NLRP2: variants seen among roughly 807,000 people sequenced by gnomAD.
NLRP2 encodes the protein NACHT, LRR and PYD domains-containing protein 2.
In NLRP2, 107 loss-of-function variants were observed where a neutral mutation model predicts 97.2. The observed-to-expected ratio is 1.10, with a 90% CI of 0.94 to 1.29. The LOEUF (loss-of-function observed/expected upper bound fraction) is 1.29, where lower values mean the gene tolerates loss of function less well. Among genes scored for constraint, NLRP2 ranks in the 50% most tolerant of loss-of-function variants. The probability of loss-of-function intolerance (pLI) is 0.00; values close to 1 mark genes in which losing one functional copy is unlikely to be tolerated. For missense variants in NLRP2, 1,495 were observed against 1,330.3 expected (o/e 1.12, Z -1.93); for synonymous variants, 663 against 551.5 (o/e 1.20, Z -2.83).
chr19:54,995,531 C>T (rs936970995), intron 11 of NLRP2, among the ~76,000 whole-genome samples: 5 of 151,662 alleles, frequency 3.3e-5, no homozygotes, highest in South Asian at 2.1e-4. Flanking sequence ...TTGCAGTGAG[C>T]TGAGATCCTG....
intron 8 of NLRP2, among the ~76,000 whole-genome samples, chr19:54,987,157 C>G (rs931276553): frequency 7.2e-6 from 1 of 138,506 alleles, no homozygotes; most frequent in Non-Finnish European, 1.6e-5. Flanking sequence ...ACCCCGCCGT[C>G]GGCCTCCCAA....
At position 54,977,749 on chromosome 19, in the gene NLRP2, C is replaced by T. The variant is rs1213888286; in HGVS notation, c.326-3C>T. 6.2e-7 allele frequency: 1 copy of T among 1,613,748 alleles called. No homozygotes were observed. Among genetic ancestry groups the T allele is most frequent in the Non-Finnish European group, 8.5e-7 (1 of 1,180,004 alleles). Reference sequence around the variant, plus strand: ...GGCCTGTAATGCCGCCCTTTTTCTCCAGGGATAACACGGAAAGAACGACCA... The same window carrying T: ...GGCCTGTAATGCCGCCCTTTTTCTCTAGGGATAACACGGAAAGAACGACCA... On this transcript the variant is annotated splice_polypyrimidine_tract_variant and splice_region_variant and intron_variant, in intron 3 of 12. Transcript: ENST00000448584.
At chr19:54,980,385 A>G (rs998980097) in intron 4 of NLRP2, among the ~76,000 whole-genome samples, 39 of 151,818 alleles carry the variant, frequency 2.6e-4, no homozygotes, top group African/African-American at 6.5e-4. Context: ...TAGTAGAGAC[A>G]GGGTTTCACC....
At chr19:54,999,195 T>G (rs2073045129) in intron 12 of NLRP2, among the ~76,000 whole-genome samples, 2 of 151,980 alleles carry the variant, frequency 1.3e-5, no homozygotes, top group Admixed American at 6.5e-5. Context: ...TTGTCCAGCC[T>G]GGAGCGCAAT....
intron 8 of NLRP2, among the ~76,000 whole-genome samples, chr19:54,988,895 T>C (rs2072272785): frequency 6.6e-6 from 1 of 151,952 alleles, no homozygotes. Context: ...GTGGGCTGGG[T>C]ATGGTGGCTC....
At chr19:54,995,380 C>T (rs1247331262) in intron 11 of NLRP2, among the ~76,000 whole-genome samples, 3 of 150,994 alleles carry the variant, frequency 2.0e-5, no homozygotes, top group South Asian at 2.1e-4. Flanking sequence ...TTAGTATAGA[C>T]GGGGTTTCTC....
At chr19:54,988,763 C>T (rs1347460271) in intron 8 of NLRP2, among the ~76,000 whole-genome samples, 1 of 152,224 alleles carries the variant, frequency 6.6e-6, no homozygotes, top group Non-Finnish European at 1.5e-5. Context: ...CATGATCCAC[C>T]TGCCTTGGCC....
intron 10 of NLRP2, among the ~76,000 whole-genome samples, chr19:54,992,093 T>C (rs1021461272): frequency 5.3e-5 from 8 of 151,372 alleles, no homozygotes; most frequent in Non-Finnish European, 8.8e-5. Flanking sequence ...ATTTTTATAT[T>C]TTTAGTAGAG....
intron 11 of NLRP2, among the ~76,000 whole-genome samples, chr19:54,995,781 C>CCTGT (rs1203854068): frequency 2.0e-5 from 3 of 152,042 alleles, no homozygotes; most frequent in East Asian, 3.9e-4. Flanking sequence ...GTGGCTCATG[C>CCTGT]CTGTAATCCT....
intron 10 of NLRP2, among the ~76,000 whole-genome samples, chr19:54,992,290 A>G (rs2146518048): frequency 6.6e-6 from 1 of 152,080 alleles, no homozygotes; most frequent in African/African-American, 2.4e-5. Context: ...GAAGTAACTA[A>G]TCTAGGATAT....
In NLRP2 at chr19:54,990,068, T is replaced by G. The variant is rs755714001; in HGVS notation, c.2413T>G (p.Leu805Val). 6 of 1,613,994 alleles carry G rather than the reference T, an allele frequency of 3.7e-6. No individual in the cohort carries two copies. The highest frequency in any genetic ancestry group is 5.1e-6 in the Non-Finnish European group (6 of 1,180,042). The change falls in exon 9 of 13, where the codon TTG becomes GTG. Residue 805 changes from leucine to valine, a missense_variant. Leu to Val is a conservative substitution (Grantham distance 32). Transcript: ENST00000448584. ...CACTCAGCAGTGGGCTGATCTCTCC[T>G]TGGCCCTTGAAGTCAACCAGTCCCT... ...ATTQQWADLS[L>V]ALEVNQSLTC...
At position 54,976,810 on chromosome 19, in the gene NLRP2, CTCTTTTTT is replaced by C. The variant is rs1159524019; in HGVS notation, c.326-940_326-933del. 4.4e-3 allele frequency: 1,425 copies of C among 320,428 alleles called. 84 individuals are homozygous for C. Among genetic ancestry groups the C allele is most frequent in the Non-Finnish European group, 5.9e-3 (1,044 of 177,878 alleles). 19.8% of individuals were successfully genotyped at this position (320,428 alleles called of 1,614,324 possible). A position where few individuals can be genotyped will look rare whatever the true frequency, so the allele number is the denominator to read the frequency against. On this transcript the variant is annotated intron_variant, in intron 3 of 12. Coordinates refer to ENST00000448584, the MANE Select transcript of NLRP2 (RefSeq NM_017852.5). ...TTATTAGGATTCCACCTTGTTCTCT[CTCTTTTTT>C]TTTTTTTTTTTGATACGGAGTCTCG...
At chr19:54,989,686 C>T in intron 8 of NLRP2, 1 of 424,648 alleles carries the variant, frequency 2.4e-6, no homozygotes, top group Non-Finnish European at 4.4e-6. Context: ...GTTAGATTCT[C>T]AAGAATGACT....
intron 12 of NLRP2, among the ~76,000 whole-genome samples, chr19:54,999,338 G>T (rs1246670894): frequency 1.3e-5 from 2 of 152,098 alleles, no homozygotes; most frequent in African/African-American, 4.8e-5. Flanking sequence ...ATAGAGACAG[G>T]GTTTCTCCAT....
At chr19:54,999,099 G>A (rs1019703510) in intron 12 of NLRP2, among the ~76,000 whole-genome samples, 10 of 144,094 alleles carry the variant, frequency 6.9e-5, no homozygotes, top group African/African-American at 1.5e-4. Flanking sequence ...GCCGGGCAGA[G>A]GCGCCCCTCA....
chr19:54,999,634 GATGTT>G (rs1230227402), intron 12 of NLRP2, among the ~76,000 whole-genome samples: 1 of 143,154 alleles, frequency 7.0e-6, no homozygotes, highest in Non-Finnish European at 1.6e-5. Flanking sequence ...AGGTTAACCT[GATGTT>G]ATGTTTTTCT....
At chr19:54,992,062 AC>A (rs2072511100) in intron 10 of NLRP2, among the ~76,000 whole-genome samples, 1 of 150,092 alleles carries the variant, frequency 6.7e-6, no homozygotes, top group Non-Finnish European at 1.5e-5. Flanking sequence ...GATTACAGGC[AC>A]TCACCACCAC....
intron 1 of NLRP2, among the ~76,000 whole-genome samples, chr19:54,966,743 T>C (rs1254980062): frequency 6.6e-6 from 1 of 151,620 alleles, no homozygotes. Flanking sequence ...AGACGGGGTT[T>C]CACCATGTTG....
chr19:54,998,610 TC>T (rs367833312), intron 12 of NLRP2, among the ~76,000 whole-genome samples: 15 of 65,890 alleles, frequency 2.3e-4, no homozygotes, highest in Non-Finnish European at 3.0e-4. Context: ...GCATCTTTTT[TC>T]TTTTTTTTTT....
Sources: allele counts gnomAD v4.1 joint callset (sites outside exome capture counted in the v4.1 genomes callset), GRCh38; gene constraint gnomAD v4.1.1; transcripts MANE v1.5; gene names NCBI Gene and HGNC (gene_info 2026-07-23, HGNC 2026-07-21).